TNK2: variants seen among roughly 807,000 people sequenced by gnomAD.
The protein encoded by TNK2 is activated CDC42 kinase 1.
Under a neutral mutation model 101.8 loss-of-function variants are expected in TNK2, and 83 were observed. The ratio of observed to expected loss-of-function variants is 0.82; its 90% confidence interval spans 0.68 to 0.98. The LOEUF is 0.98. Among genes scored for constraint, TNK2 ranks in the 50% least tolerant of loss-of-function variants. TNK2 has a pLI of 0.00. For missense variants in TNK2, 1,665 were observed against 1,483.2 expected (o/e 1.12, Z -2.01); for synonymous variants, 804 against 633.0 (o/e 1.27, Z -4.06).
chr3:195,898,830 C>T (rs1218188825), intron 1 of TNK2, among the ~76,000 whole-genome samples: 3 of 152,172 alleles, frequency 2.0e-5, no homozygotes, highest in African/African-American at 7.2e-5. Context: ...CCCGGTGGCT[C>T]ACGTCTGTAA....
At chr3:195,906,954 G>A (rs887887301) in intron 1 of TNK2, among the ~76,000 whole-genome samples, 1 of 152,062 alleles carries the variant, frequency 6.6e-6, no homozygotes, top group Middle Eastern at 3.4e-3. Context: ...ACACTGCAGG[G>A]GAAGTCCTGG....
In TNK2 at chr3:195,868,358, G is replaced by A. The variant is rs757105764; in HGVS notation, c.1940C>T (p.Pro647Leu). ...VDWDARPLPP[P>L]PAYDDVAQDE... ...CTGGGCCACGTCGTCATAGGCGGGC[G>A]GGGGGGGCAGCGGGCGTGCGTCCCA... Residue 647 changes from proline (P) to leucine (L), a missense_variant, in exon 13 of 16, where the codon CCG (proline) becomes CTG (leucine). This residue lies in a region of TNK2 where 1,136 missense variants were observed against 894.9 expected (regional missense o/e 1.27). Coordinates refer to ENST00000672887, the MANE Select transcript of TNK2 (RefSeq NM_001382273.1). The A allele has an allele frequency of 1.6e-5, 25 of 1,590,086 alleles. No homozygotes were observed. Among genetic ancestry groups the A allele is most frequent in the South Asian group, 4.5e-5 (4 of 89,778 alleles).
chr3:195,873,232 G>A (rs991011810), intron 9 of TNK2, among the ~76,000 whole-genome samples: 4 of 152,206 alleles, frequency 2.6e-5, no homozygotes, highest in East Asian at 3.9e-4. Flanking sequence ...CCTCAGACAC[G>A]AAACCTCTGC....
chr3:195,905,990 CTA>C (rs1182668361), intron 1 of TNK2, among the ~76,000 whole-genome samples: 4 of 152,048 alleles, frequency 2.6e-5, no homozygotes, highest in African/African-American at 9.7e-5. Flanking sequence ...ACGAAAAACC[CTA>C]CACAATTAAA....
At chr3:195,870,471 T>C (rs1744324521) in intron 10 of TNK2, 13 of 1,221,640 alleles carry the variant, frequency 1.1e-5, no homozygotes, top group Admixed American at 7.3e-5. Context: ...GCAGAGGTGG[T>C]CCTCCACAAC....
At chr3:195,900,042 C>T (rs1392366079) in intron 1 of TNK2, among the ~76,000 whole-genome samples, 2 of 152,152 alleles carry the variant, frequency 1.3e-5, no homozygotes, top group African/African-American at 2.4e-5. Flanking sequence ...ACAACCACTC[C>T]GACCCCAGAC....
At position 195,885,181 on chromosome 3, in the gene TNK2, T is replaced by G; in HGVS notation, c.235-148A>C. The stretch of plus-strand genomic sequence containing the variant: ...CAAACTGTCAGTGGGGCAGCCTGGC[T>G]GGAGGCCCACACTCCGTCCAGGGCA... On this transcript the variant is annotated intron_variant, in intron 3 of 15. Transcript: ENST00000672887. The surrounding 1 kb of genome is among the most constrained non-coding windows in gnomAD (Gnocchi z 4.7). 9.8e-7 allele frequency: 1 copy of G among 1,016,886 alleles called. No individual in the cohort carries two copies. Among genetic ancestry groups the G allele is most frequent in the Middle Eastern group, 3.1e-4 (1 of 3,216 alleles). The allele number at this position is 1,016,886 out of a possible 1,614,324, so 63.0% of individuals were successfully genotyped here. A position where few individuals can be genotyped will look rare whatever the true frequency, so the allele number is the denominator to read the frequency against.
chr3:195,895,247 T>G, intron 1 of TNK2: 2 of 1,542,792 alleles, frequency 1.3e-6, no homozygotes, highest in Non-Finnish European at 1.7e-6. Context: ...CCCCATTACC[T>G]GCGGTCCCTC....
rs895324885 is a variant in TNK2, at chr3:195,878,954, C to G, written c.1014+95G>C. Reference sequence around the variant, plus strand: ...GGCACGGGGCGTGGGAGGAGGGAGTCCATTGGTGAGAGGCAGTTCCAGCAG... The same window carrying G: ...GGCACGGGGCGTGGGAGGAGGGAGTGCATTGGTGAGAGGCAGTTCCAGCAG... On this transcript the variant is annotated intron_variant, in intron 7 of 15. Transcript: ENST00000672887. The surrounding 1 kb of genome is among the most constrained non-coding windows in gnomAD (Gnocchi z 4.7). The G allele has an allele frequency of 6.4e-7, 1 of 1,553,650 alleles. No homozygotes were observed. The highest frequency in any genetic ancestry group is 1.3e-5 in the African/African-American group (1 of 74,100).
intron 1 of TNK2, among the ~76,000 whole-genome samples, chr3:195,906,850 G>C (rs1181675631): frequency 6.6e-6 from 1 of 152,210 alleles, no homozygotes; most frequent in African/African-American, 2.4e-5. Flanking sequence ...TCAGGGGCCA[G>C]AGGGAACAGT....
intron 6 of TNK2, among the ~76,000 whole-genome samples, chr3:195,880,465 C>G (rs1264556571): frequency 2.1e-5 from 2 of 94,342 alleles, no homozygotes; most frequent in Non-Finnish European, 4.2e-5. Flanking sequence ...TATCACCTAA[C>G]TCAGCAGTGA....
rs777991166 is a variant in TNK2 at position 195,885,491 on chromosome 3, C to T, written c.235-458G>A. 3.2e-5 allele frequency: 42 copies of T among 1,297,458 alleles called. No individual in the cohort carries two copies. Among genetic ancestry groups the T allele is most frequent in the Non-Finnish European group, 4.1e-5 (41 of 994,338 alleles). The allele number at this position is 1,297,458 out of a possible 1,614,324, so 80.4% of individuals were successfully genotyped here. ...AGCCCTGGCCCCTTCTCTGGCCTGACCATTTGGTGCTGTCTGTCTCCACCC... is the reference window on the plus strand; with the variant it reads ...AGCCCTGGCCCCTTCTCTGGCCTGATCATTTGGTGCTGTCTGTCTCCACCC... On this transcript the variant is annotated intron_variant, in intron 3 of 15. Transcript: ENST00000672887. The surrounding 1 kb of genome is among the most constrained non-coding windows in gnomAD (Gnocchi z 4.7).
At chr3:195,869,882 G>A (rs377655882) in intron 11 of TNK2, 43 of 553,890 alleles carry the variant, frequency 7.8e-5, no homozygotes, top group African/African-American at 1.5e-4. Flanking sequence ...GAGGGACGCC[G>A]GGGCGGACGG....
Position 195,878,969 on chromosome 3 carries a change from A to G in TNK2, c.1014+80T>C. 2 of 1,574,098 alleles carry G rather than the reference A, an allele frequency of 1.3e-6. No individual in the cohort carries two copies. The highest frequency in any genetic ancestry group is 2.0e-4 in the Middle Eastern group (1 of 4,930). On this transcript the variant is annotated intron_variant, in intron 7 of 15. Transcript: ENST00000672887. The surrounding 1 kb of genome is among the most constrained non-coding windows in gnomAD (Gnocchi z 4.7). ...AGGAGGGAGTCCATTGGTGAGAGGC[A>G]GTTCCAGCAGGGCCAGGCTGCAAGC... is the stretch of plus-strand genomic sequence containing the variant.
Position 195,867,812 on chromosome 3 carries a change from G to A in TNK2, c.2486C>T (p.Thr829Ile). ...PPRLSSSPGK[T>I]MPTTQSFASD... is the part of the protein sequence containing the mutation. ...GGCAAAGCTCTGGGTGGTGGGCATG[G>A]TCTTCCCAGGTGAGCTTGAGAGCCG... Residue 829 changes from threonine (T) to isoleucine (I), a missense_variant, in exon 13 of 16, where the codon ACC becomes ATC. Thr to Ile is a moderately conservative substitution (Grantham distance 89). Around this residue, in one of 3 missense-constraint regions of TNK2, gnomAD observed 1,136 missense variants for 894.9 expected, o/e 1.27. Transcript: ENST00000672887. 1.3e-6 allele frequency: 2 copies of A among 1,554,568 alleles called. No individual in the cohort carries two copies. Among genetic ancestry groups the A allele is most frequent in the South Asian group, 1.2e-5 (1 of 81,446 alleles).
In TNK2 at chr3:195,887,898, G is replaced by GCGTGTGTGCACGTGCATGCGTGCGTGCA. The variant is rs530706978; in HGVS notation, c.163+500_163+527dup. 7.7e-5 allele frequency among the ~76,000 whole-genome samples: 10 copies of GCGTGTGTGCACGTGCATGCGTGCGTGCA among 129,388 alleles called. 1 individual carries two copies. Among genetic ancestry groups the GCGTGTGTGCACGTGCATGCGTGCGTGCA allele is most frequent in the Admixed American group, 6.4e-4 (9 of 14,082 alleles). 84.9% of individuals were successfully genotyped at this position (129,388 alleles called of 152,430 possible). On this transcript the variant is annotated intron_variant, in intron 2 of 15. Coordinates refer to ENST00000672887, the MANE Select transcript of TNK2 (RefSeq NM_001382273.1). Reference sequence around the variant, plus strand: ...TGAGCGCGTGCGTACGCACGTGCATGCGTGTGTGCACGTGCATGCGTGCGT... The same window carrying GCGTGTGTGCACGTGCATGCGTGCGTGCA: ...TGAGCGCGTGCGTACGCACGTGCATGCGTGTGTGCACGTGCATGCGTGCGTGCACGTGTGTGCACGTGCATGCGTGCGT...
At chr3:195,880,617 A>ACCCC (rs1301650117) in intron 6 of TNK2, among the ~76,000 whole-genome samples, 1 of 30,456 alleles carries the variant, frequency 3.3e-5, no homozygotes, top group Non-Finnish European at 5.6e-5. Context: ...TCCCTGTAAC[A>ACCCC]CCCCCCCAGC....
In TNK2 at chr3:195,898,932, T is replaced by C. The variant is rs184696640; in HGVS notation, c.-19+9553A>G. ...CAATATGGTGAAACCCCATCTCTAC[T>C]AAAAAATATAAAAATTAGCCGGGCG... On this transcript the variant is annotated intron_variant, in intron 1 of 15. Coordinates refer to ENST00000672887, the MANE Select transcript of TNK2 (RefSeq NM_001382273.1). 9.7e-4 allele frequency among the ~76,000 whole-genome samples: 147 copies of C among 152,022 alleles called. 1 individual carries two copies. Among genetic ancestry groups the C allele is most frequent in the African/African-American group, 3.3e-3 (138 of 41,480 alleles).
intron 1 of TNK2, among the ~76,000 whole-genome samples, chr3:195,893,227 G>T (rs560707761): frequency 6.6e-6 from 1 of 151,422 alleles, no homozygotes; most frequent in East Asian, 2.0e-4. Flanking sequence ...GTGTCTCCTG[G>T]CTCAGACCCT....
Sources: gnomAD v4.1 joint callset for allele counts (sites outside exome capture counted in the v4.1 genomes callset) on GRCh38, gnomAD v4.1.1 for gene constraint, gnomAD v4.1.1 regional missense constraint, Gnocchi (gnomAD v3.1) non-coding constraint, MANE v1.5 for transcripts, NCBI Gene and HGNC (gene_info 2026-07-23, HGNC 2026-07-21) for gene names.